NELL1: variants seen among roughly 807,000 people sequenced by gnomAD.
The protein encoded by NELL1 is protein kinase C-binding protein NELL1.
A neutral mutation model predicts 107.4 loss-of-function variants in NELL1; 76 were observed. The ratio of observed to expected loss-of-function variants is 0.71; its 90% CI spans 0.59 to 0.86. The LOEUF is 0.86. NELL1 is among the 40% of genes least tolerant of loss of function. NELL1 has a pLI of 0.00. For synonymous variants in NELL1, 353 were observed against 341.2 expected (o/e 1.03, Z -0.38); for missense variants, 1,024 against 1,005.5 (o/e 1.02, Z -0.25).
intron 12 of NELL1, among the ~76,000 whole-genome samples, chr11:20,976,134 CAT>C (rs1301049467): frequency 9.8e-6 from 1 of 102,380 alleles, no homozygotes; most frequent in Non-Finnish European, 2.0e-5. Flanking sequence ...TATGTATACA[CAT>C]GTACACACAT....
intron 15 of NELL1, among the ~76,000 whole-genome samples, chr11:21,381,017 G>A (rs1446182791): frequency 1.3e-5 from 2 of 151,960 alleles, no homozygotes; most frequent in Admixed American, 1.3e-4. Context: ...GGACATATAT[G>A]AGGACATGTA....
chr11:20,820,875 A>G (rs921714134), intron 3 of NELL1, among the ~76,000 whole-genome samples: 14 of 146,140 alleles, frequency 9.6e-5, no homozygotes, highest in African/African-American at 1.3e-4. Flanking sequence ...ACCCTGATTT[A>G]TGTTTTATAA....
intron 15 of NELL1, among the ~76,000 whole-genome samples, chr11:21,408,054 G>A (rs1466078792): frequency 2.0e-5 from 3 of 151,838 alleles, no homozygotes; most frequent in Admixed American, 1.3e-4. Context: ...ATAGAGGGGT[G>A]GCAAGTGCTT....
At chr11:20,812,984 G>C (rs1218057504) in intron 3 of NELL1, among the ~76,000 whole-genome samples, 1 of 119,702 alleles carries the variant, frequency 8.4e-6, no homozygotes, top group East Asian at 2.6e-4. Context: ...ACTCCAGCCT[G>C]GGCGACAGCG....
At chr11:21,447,103 A>C (rs1853450757) in intron 15 of NELL1, among the ~76,000 whole-genome samples, 1 of 151,308 alleles carries the variant, frequency 6.6e-6, no homozygotes, top group Admixed American at 6.6e-5. Context: ...ATGCTCACTT[A>C]AGACCCAAGG....
intron 12 of NELL1, among the ~76,000 whole-genome samples, chr11:20,963,348 C>T (rs1426728958): frequency 2.0e-5 from 3 of 152,258 alleles, no homozygotes; most frequent in South Asian, 2.1e-4. Flanking sequence ...CCTCACCACA[C>T]ACACACTTCT....
intron 12 of NELL1, among the ~76,000 whole-genome samples, chr11:21,044,432 A>G (rs1853308354): frequency 6.6e-6 from 1 of 152,174 alleles, no homozygotes; most frequent in South Asian, 2.1e-4. Context: ...AACGCATTTG[A>G]GAAGTTTGGC....
intron 14 of NELL1, among the ~76,000 whole-genome samples, chr11:21,237,828 G>A (rs1195003786): frequency 6.6e-6 from 1 of 151,936 alleles, no homozygotes. Flanking sequence ...TTATTTGATG[G>A]ATTCTTCTTT....
chr11:20,789,712 A>G (rs1452459885), intron 3 of NELL1, among the ~76,000 whole-genome samples: 1 of 152,224 alleles, frequency 6.6e-6, no homozygotes, highest in Non-Finnish European at 1.5e-5. Context: ...TTATTGAGCA[A>G]TAGAACAGTT....
chr11:20,936,622 A>G (rs1227951641), intron 9 of NELL1, among the ~76,000 whole-genome samples: 2 of 152,138 alleles, frequency 1.3e-5, no homozygotes, highest in Non-Finnish European at 1.5e-5. Flanking sequence ...TAGTAATTAT[A>G]CATTCACTGA....
At chr11:21,417,255 A>G (rs887230571) in intron 15 of NELL1, among the ~76,000 whole-genome samples, 1 of 151,772 alleles carries the variant, frequency 6.6e-6, no homozygotes, top group Non-Finnish European at 1.5e-5. Flanking sequence ...AATAATAATT[A>G]TTGTCATTTT....
At chr11:21,163,679 C>G (rs751978349) in intron 13 of NELL1, among the ~76,000 whole-genome samples, 13 of 152,248 alleles carry the variant, frequency 8.5e-5, no homozygotes, top group South Asian at 2.1e-4. Flanking sequence ...CATGATAAAG[C>G]TGCCAGCAGA....
intron 5 of NELL1, among the ~76,000 whole-genome samples, chr11:20,895,782 A>G (rs571954846): frequency 1.3e-5 from 2 of 152,222 alleles, no homozygotes; most frequent in South Asian, 4.2e-4. Flanking sequence ...CTGGGATTAC[A>G]GGCCTGAGCC....
At chr11:20,973,101 CT>C (rs761894107) in intron 12 of NELL1, among the ~76,000 whole-genome samples, 319 of 92,494 alleles carry the variant, frequency 3.4e-3, no homozygotes, top group Middle Eastern at 0.01. Flanking sequence ...ATCTTCATTA[CT>C]TTTTTTTTTT....
chr11:20,709,977 C>CG (rs1332352966), intron 2 of NELL1, among the ~76,000 whole-genome samples: 41 of 152,082 alleles, frequency 2.7e-4, no homozygotes, highest in South Asian at 1.0e-3. Flanking sequence ...CCTAGATATA[C>CG]GATCATATCT....
intron 12 of NELL1, among the ~76,000 whole-genome samples, chr11:20,987,036 A>G (rs1000427042): frequency 6.6e-6 from 1 of 152,222 alleles, no homozygotes; most frequent in African/African-American, 2.4e-5. Flanking sequence ...ATCTAATGCA[A>G]TTTTGCCTGG....
intron 13 of NELL1, among the ~76,000 whole-genome samples, chr11:21,171,388 G>T (rs975424681): frequency 6.6e-6 from 1 of 151,730 alleles, no homozygotes. Context: ...TAACATTTTG[G>T]TACATATACT....
chr11:20,669,993 G>C lies in NELL1; in HGVS notation c.55+215G>C, dbSNP rs1395852388. Among the ~76,000 whole-genome samples, 2 of 152,214 alleles carry C rather than the reference G, an allele frequency of 1.3e-5. No individual in the cohort carries two copies. Among genetic ancestry groups the C allele is most frequent in the African/African-American group, 4.8e-5 (2 of 41,464 alleles). Reference sequence around the variant, plus strand: ...GTCCCCGTTGAGTGCCCCTTCTCAGGGGACCCGGCCTCAGGGGCGCAGGAG... The same window carrying C: ...GTCCCCGTTGAGTGCCCCTTCTCAGCGGACCCGGCCTCAGGGGCGCAGGAG... On this transcript the variant is annotated intron_variant, in intron 1 of 19. Coordinates refer to ENST00000357134, the MANE Select transcript of NELL1 (RefSeq NM_006157.5). This position sits in a 1 kb window ranked among gnomAD's most constrained non-coding sequence, Gnocchi z 4.4.
intron 14 of NELL1, among the ~76,000 whole-genome samples, chr11:21,231,059 T>A (rs1182649041): frequency 6.6e-6 from 1 of 152,200 alleles, no homozygotes; most frequent in Non-Finnish European, 1.5e-5. Flanking sequence ...AGCAGAATGC[T>A]ATGGTTTAAA....
Sources: allele counts gnomAD v4.1 joint callset (sites outside exome capture counted in the v4.1 genomes callset), GRCh38; gene constraint gnomAD v4.1.1; non-coding constraint Gnocchi (gnomAD v3.1); transcripts MANE v1.5; gene names NCBI Gene and HGNC (gene_info 2026-07-23, HGNC 2026-07-21).